Variants in CTNNA2 observed in about 807,000 individuals in gnomAD.
CTNNA2 encodes catenin alpha 2.
CTNNA2 carries 42 observed loss-of-function variants against 101.0 expected under a neutral mutation model. The observed-to-expected ratio is 0.42, with a 90% confidence interval of 0.32 to 0.54. The LOEUF is 0.54. Ranked by LOEUF, CTNNA2 falls within the 20% of genes least tolerant of loss-of-function variation. The pLI, the probability that CTNNA2 is intolerant of heterozygous loss-of-function variation, is 0.14. For missense variants in CTNNA2, 871 were observed against 1,223.1 expected, an observed-to-expected ratio of 0.71 and a Z score of 4.29; for synonymous variants, 450 against 456.4, an observed-to-expected ratio of 0.99 and a Z score of 0.18.
At chr2:79,196,301 A>G (rs1673960083) in intron 1 of CTNNA2, among the ~76,000 whole-genome samples, 1 of 152,138 alleles carries the variant, frequency 6.6e-6, no homozygotes, top group South Asian at 2.1e-4. Flanking sequence ...ATATGTTAGA[A>G]TTAGTGGTGC....
chr2:80,646,606 G>T (rs539310415), intron 18 of CTNNA2, among the ~76,000 whole-genome samples: 2 of 151,824 alleles, frequency 1.3e-5, no homozygotes, highest in African/African-American at 2.4e-5. Context: ...CATCTGTGAT[G>T]CAGGCAGTGA....
At position 80,542,926 on chromosome 2, in the gene CTNNA2, C is replaced by G. The variant is rs550570183; in HGVS notation, c.1291-2056C>G. On this transcript the variant is annotated intron_variant, in intron 9 of 18. Transcript: ENST00000402739. ...GACAGGGGAAGCTGCATTCTGGACT[C>G]GTACCACAGATCAGAATGTAGGAAC... 3.9e-5 allele frequency among the ~76,000 whole-genome samples: 6 copies of G among 152,074 alleles called. 2 individuals are homozygous for G. Among genetic ancestry groups the G allele is most frequent in the African/African-American group, 1.4e-4 (6 of 41,460 alleles).
chr2:79,870,355 T>TA (rs1455615939), intron 5 of CTNNA2, among the ~76,000 whole-genome samples: 2 of 151,378 alleles, frequency 1.3e-5, no homozygotes, highest in Non-Finnish European at 1.5e-5. Flanking sequence ...CCAGGATATG[T>TA]AGTATGTGGG....
chr2:79,305,101 A>C (rs1248131327), intron 2 of CTNNA2, among the ~76,000 whole-genome samples: 1 of 152,074 alleles, frequency 6.6e-6, no homozygotes, highest in Non-Finnish European at 1.5e-5. Context: ...ACAGAGGCAA[A>C]GCAGTGCATT....
At chr2:79,294,406 C>G (rs1052026505) in intron 2 of CTNNA2, among the ~76,000 whole-genome samples, 2 of 152,070 alleles carry the variant, frequency 1.3e-5, no homozygotes, top group South Asian at 2.1e-4. Context: ...ACCTTAAGTC[C>G]TATCTGCAAA....
At chr2:79,406,351 T>G (rs190476417) in intron 4 of CTNNA2, among the ~76,000 whole-genome samples, 10 of 152,060 alleles carry the variant, frequency 6.6e-5, no homozygotes, top group Non-Finnish European at 1.0e-4. Context: ...CAACTCAACA[T>G]GCAGGGCAAC....
At chr2:79,582,721 G>T (rs1035103629) in intron 1 of CTNNA2, among the ~76,000 whole-genome samples, 1 of 151,996 alleles carries the variant, frequency 6.6e-6, no homozygotes, top group Non-Finnish European at 1.5e-5. Context: ...AGGTTTTTCT[G>T]CCTTCTTCCC....
At chr2:80,358,327 C>T (rs535599722) in intron 7 of CTNNA2, among the ~76,000 whole-genome samples, 11 of 147,262 alleles carry the variant, frequency 7.5e-5, no homozygotes, top group African/African-American at 1.0e-4. Flanking sequence ...ATGAGTTCTA[C>T]GTCAGTAGTA....
chr2:79,732,185 GA>G (rs1687241921), intron 2 of CTNNA2, among the ~76,000 whole-genome samples: 1 of 151,964 alleles, frequency 6.6e-6, no homozygotes, highest in South Asian at 2.1e-4. Context: ...AATCTGACGT[GA>G]AAAACTTCAG....
At chr2:80,543,992 T>C (rs1452171270) in intron 9 of CTNNA2, among the ~76,000 whole-genome samples, 1 of 152,138 alleles carries the variant, frequency 6.6e-6, no homozygotes, top group African/African-American at 2.4e-5. Context: ...ATGGGACTGA[T>C]TGGTCTTTTG....
intron 2 of CTNNA2, among the ~76,000 whole-genome samples, chr2:79,264,397 A>C (rs370649748): frequency 3.5e-5 from 5 of 144,592 alleles, no homozygotes; most frequent in African/African-American, 1.3e-4. Flanking sequence ...TAAGGGTATT[A>C]TTGTTTAGGA....
intron 3 of CTNNA2, among the ~76,000 whole-genome samples, chr2:79,315,299 A>C (rs944540198): frequency 1.5e-4 from 23 of 152,334 alleles, no homozygotes; most frequent in Middle Eastern, 3.4e-3. Flanking sequence ...ATAATTCAAT[A>C]GTTTCCATAT....
At chr2:79,542,988 A>G (rs1020870945) in intron 1 of CTNNA2, among the ~76,000 whole-genome samples, 17 of 152,158 alleles carry the variant, frequency 1.1e-4, no homozygotes, top group Admixed American at 1.1e-3. Context: ...CATTTTAAAA[A>G]CAACTCATGT....
intron 3 of CTNNA2, among the ~76,000 whole-genome samples, chr2:79,805,803 T>G (rs1234706944): frequency 2.0e-5 from 3 of 151,978 alleles, no homozygotes; most frequent in Non-Finnish European, 4.4e-5. Context: ...CTGGGCATGG[T>G]GGCGGGCACC....
At chr2:79,346,428 T>A (rs1384339579) in intron 3 of CTNNA2, among the ~76,000 whole-genome samples, 1 of 152,222 alleles carries the variant, frequency 6.6e-6, no homozygotes, top group Non-Finnish European at 1.5e-5. Context: ...TGTAAGTACA[T>A]CATTCTTATC....
At chr2:80,186,828 A>G (rs1423411513) in intron 7 of CTNNA2, among the ~76,000 whole-genome samples, 1 of 152,160 alleles carries the variant, frequency 6.6e-6, no homozygotes, top group Admixed American at 6.5e-5. Context: ...TGTCTCCTAC[A>G]ATTTCATGAG....
chr2:80,151,252 G>T (rs10520265), intron 7 of CTNNA2, among the ~76,000 whole-genome samples: 3,386 of 152,272 alleles, frequency 0.022, 121 homozygotes, highest in African/African-American at 0.076. Context: ...GTGATATTCA[G>T]ATTTTTCCTT....
intron 9 of CTNNA2, among the ~76,000 whole-genome samples, chr2:80,539,682 C>T (rs978503117): frequency 6.6e-6 from 1 of 152,118 alleles, no homozygotes; most frequent in Non-Finnish European, 1.5e-5. Context: ...CTAGTCTTCT[C>T]AGCTTTTACT....
chr2:79,577,720 G>A (rs1055622747), intron 1 of CTNNA2, among the ~76,000 whole-genome samples: 1 of 152,064 alleles, frequency 6.6e-6, no homozygotes, highest in African/African-American at 2.4e-5. Flanking sequence ...ATAAAAGTAA[G>A]TGACATTTTA....
Sources: gnomAD v4.1 joint callset for allele counts (sites outside exome capture counted in the v4.1 genomes callset) on GRCh38, gnomAD v4.1.1 for gene constraint, MANE v1.5 for transcripts, NCBI Gene and HGNC (gene_info 2026-07-23, HGNC 2026-07-21) for gene names.